Variants in PLEC observed in about 807,000 individuals in gnomAD.
PLEC encodes the protein hemidesmosomal protein 1.
PLEC carries 216 observed loss-of-function variants against 392.8 expected under a neutral mutation model. That is an observed-to-expected ratio of 0.55 (90% CI 0.49 to 0.62). The LOEUF is 0.62. Ranked by LOEUF, PLEC falls within the 20% of genes least tolerant of loss-of-function variation. The probability of loss-of-function intolerance (pLI) is 0.00; values close to 1 mark genes in which losing one functional copy is unlikely to be tolerated. For synonymous variants in PLEC, 3,621 were observed against 2,980.6 expected (o/e 1.21, Z -7.00); for missense variants, 6,863 against 6,563.4 (o/e 1.05, Z -1.58).
intron 1 of PLEC, among the ~76,000 whole-genome samples, chr8:143,948,558 G>A (rs900464838): frequency 2.0e-5 from 3 of 152,194 alleles, no homozygotes; most frequent in African/African-American, 7.2e-5. Flanking sequence ...GTTTGAGCCT[G>A]CTGGCCCTGA....
At position 143,926,836 on chromosome 8, in the gene PLEC, C is replaced by T. The variant is rs1554705998; in HGVS notation, c.3992G>A (p.Ser1331Asn). 1.2e-6 allele frequency: 2 copies of T among 1,613,766 alleles called. No homozygotes were observed. Among genetic ancestry groups the T allele is most frequent in the Non-Finnish European group, 1.7e-6 (2 of 1,180,004 alleles). Residue 1331 changes from serine (S) to asparagine (N), a missense_variant, in exon 30 of 32, where the codon AGC (serine) becomes AAC (asparagine). Coordinates refer to ENST00000345136, the MANE Select transcript of PLEC (RefSeq NM_201384.3). ...CTCGCTGATGAACTTGATGTACTGG[C>T]TCGTCAGTGTGGTCAGCTCGCTGTA... ...THYSELTTLTSQYIKFISETL... is the reference protein window; with the variant it reads ...THYSELTTLTNQYIKFISETL...
In PLEC at chr8:143,926,765, T is replaced by C. The variant is rs1554705785; in HGVS notation, c.4044+19A>G. 1.3e-6 allele frequency: 2 copies of C among 1,598,608 alleles called. No individual in the cohort carries two copies. The highest frequency in any genetic ancestry group is 3.3e-5 in the Admixed American group (2 of 59,994). On this transcript the variant is annotated intron_variant, in intron 30 of 31. Coordinates refer to ENST00000345136, the MANE Select transcript of PLEC (RefSeq NM_201384.3). ...GTGAGATGGAACCCTCTGCCCAGCC[T>C]CCGCCCAACGGGCTGTACCTCCTCC...
At position 143,919,119 on chromosome 8, in the gene PLEC, C is replaced by G. The variant is rs782045368; in HGVS notation, c.10702G>C (p.Glu3568Gln). The G allele has an allele frequency of 6.2e-7, 1 of 1,613,048 alleles. No homozygotes were observed. The highest frequency in any genetic ancestry group is 8.5e-7 in the Non-Finnish European group (1 of 1,180,034). Reference protein sequence around the residue: ...YTEEETRRAFEETQIDIPGGG... With the variant: ...YTEEETRRAFQETQIDIPGGG... ...CCGGGAATGTCGATCTGTGTCTCTT[C>G]AAATGCCCTTCTTGTCTCCTCCTCA... is the stretch of plus-strand genomic sequence containing the variant. Residue 3568 changes from glutamate (E) to glutamine (Q), a missense_variant, in exon 32 of 32, where the codon GAA becomes CAA. Coordinates refer to ENST00000345136, the MANE Select transcript of PLEC (RefSeq NM_201384.3).
Position 143,931,575 on chromosome 8 carries a change from C to T in PLEC, c.2263G>A (p.Ala755Thr), listed in dbSNP as rs200173947. Residue 755 changes from alanine (A) to threonine (T), a missense_variant, in exon 19 of 32, where the codon GCC becomes ACC. Transcript: ENST00000345136. ...AGGTCCTCCAGCCGGGTGACGGTGG[C>T]GGAGCGATCACAACTGTATTTCCTA... ...LRRKYSCDRS[A>T]TVTRLEDLLQ... 1.5e-4 allele frequency: 242 copies of T among 1,597,320 alleles called. 2 individuals are homozygous for T. In the African/African-American group the frequency reaches 2.7e-3, roughly 18 times the overall value.
At chr8:143,944,110 C>A (rs1006692519), upstream of PLEC, among the ~76,000 whole-genome samples, 9 of 152,114 alleles carry the variant, frequency 5.9e-5, no homozygotes, top group African/African-American at 2.2e-4. Flanking sequence ...CGGCGCCTCC[C>A]CACCCTCGCT....
Position 143,923,686 on chromosome 8 carries a change from G to C in PLEC, c.6243C>G (p.Gly2081=). 6.5e-7 allele frequency: 1 copy of C among 1,546,622 alleles called. No homozygotes were observed. Among genetic ancestry groups the C allele is most frequent in the Non-Finnish European group, 8.7e-7 (1 of 1,152,366 alleles). ...QEQSVLDQLR[G]EAEAARRAAE... ...CCGCCCGCCGGGCCGCCTCCGCCTCGCCGCGCAGCTGGTCCAGCACGCTCT... is the reference window on the plus strand; with the variant it reads ...CCGCCCGCCGGGCCGCCTCCGCCTCCCCGCGCAGCTGGTCCAGCACGCTCT... Residue 2081 remains glycine (G), a synonymous_variant, in exon 31 of 32, where the codon GGC becomes GGG. Transcript: ENST00000345136.
chr8:143,926,565 C>A (rs557475530), intron 30 of PLEC, among the ~76,000 whole-genome samples: 2 of 152,304 alleles, frequency 1.3e-5, no homozygotes, highest in South Asian at 2.1e-4. Context: ...GCACCAGCCA[C>A]TGTGGGGGAG....
In PLEC at chr8:143,916,555, T is replaced by C. The variant is rs782714544; in HGVS notation, c.13266A>G (p.Ala4422=). The C allele has an allele frequency of 1.2e-6, 2 of 1,611,696 alleles. No individual in the cohort carries two copies. The highest frequency in any genetic ancestry group is 2.2e-5 in the East Asian group (1 of 44,828). The change falls in exon 32 of 32, where the codon GCA becomes GCG. Residue 4422 remains alanine, a synonymous_variant. Coordinates refer to ENST00000345136, the MANE Select transcript of PLEC (RefSeq NM_201384.3). ...LQRGTVDART[A]QKLRDVGAYS... ...AGGCGCCCACGTCACGCAGCTTCTG[T>C]GCGGTGCGGGCGTCCACCGTGCCGC...
intron 1 of PLEC, chr8:143,944,823 G>A: frequency 1.5e-6 from 1 of 652,028 alleles, no homozygotes; most frequent in Non-Finnish European, 2.3e-6. Flanking sequence ...GAGGGGAGCA[G>A]TGGGCAGGGG....
At chr8:143,941,281 C>A (rs1272266714), upstream of PLEC, among the ~76,000 whole-genome samples, 4 of 152,186 alleles carry the variant, frequency 2.6e-5, no homozygotes, top group Non-Finnish European at 5.9e-5. Flanking sequence ...GAGGTGGGCA[C>A]AGGGAGTCCA....
Position 143,931,570 on chromosome 8 carries a change from G to A in PLEC, c.2268C>T (p.Thr756=), listed in dbSNP as rs371267446. 2.9e-4 allele frequency: 468 copies of A among 1,597,234 alleles called. No homozygotes were observed. The highest frequency in any genetic ancestry group is 6.7e-4 in the Admixed American group (39 of 57,836). ...GCAGCAGGTCCTCCAGCCGGGTGAC[G>A]GTGGCGGAGCGATCACAACTGTATT... is the stretch of plus-strand genomic sequence containing the variant. The part of the protein sequence containing the change: ...RRKYSCDRSA[T]VTRLEDLLQD... Residue 756 remains threonine (T), a synonymous_variant, in exon 19 of 32, where the codon ACC becomes ACT. Coordinates refer to ENST00000345136, the MANE Select transcript of PLEC (RefSeq NM_201384.3).
At chr8:143,968,545 A>AG (rs576906372) in intron 1 of PLEC, among the ~76,000 whole-genome samples, 1 of 151,720 alleles carries the variant, frequency 6.6e-6, no homozygotes, top group South Asian at 2.1e-4. Context: ...AAAAAAAAAA[A>AG]AAGACACCAG....
Position 143,924,967 on chromosome 8 carries a change from C to A in PLEC, c.4962G>T (p.Gln1654His). 1 of 1,580,134 alleles carries A rather than the reference C, an allele frequency of 6.3e-7. No individual in the cohort carries two copies. The highest frequency in any genetic ancestry group is 8.5e-7 in the Non-Finnish European group (1 of 1,171,346). The change falls in exon 31 of 32, where the codon CAG (glutamine) becomes CAT (histidine). Residue 1654 changes from glutamine (Q) to histidine (H), a missense_variant. Physicochemically the swap from Gln to His is conservative, Grantham distance 24. Transcript: ENST00000345136. ...CAGCCTCGGCCTGCGCCAGGCTCTT[C>A]TGCTGCGCCACCTCCTCCGCCTGCA... ...LRLQAEEVAQ[Q>H]KSLAQAEAEK... is the part of the protein sequence containing the mutation.
intron 25 of PLEC, among the ~76,000 whole-genome samples, chr8:143,928,457 G>C (rs1298872183): frequency 9.3e-5 from 14 of 151,212 alleles, no homozygotes; most frequent in Non-Finnish European, 1.9e-4. Context: ...CCTGTGGTTT[G>C]CAACACAGGA....
In PLEC at chr8:143,920,728, C is replaced by T. The variant is rs201335687; in HGVS notation, c.9093G>A (p.Leu3031=). Residue 3031 remains leucine, a synonymous_variant, in exon 32 of 32, where the codon CTG becomes CTA. Transcript: ENST00000345136. ...TACTCAGCTTCTGCCCCGCCTCCTC[C>T]AGCCATACACCCGCGATGACGTTGG... ...RGANVIAGVW[L]EEAGQKLSIY... 144 of 1,603,736 alleles carry T rather than the reference C, an allele frequency of 9.0e-5. No individual in the cohort carries two copies. The highest frequency in any genetic ancestry group is 1.2e-4 in the Non-Finnish European group (141 of 1,179,922).
In PLEC at chr8:143,973,420, A is replaced by T. The variant is rs1554744950; in HGVS notation, c.53T>A (p.Val18Glu). 2 of 1,550,032 alleles carry T rather than the reference A, an allele frequency of 1.3e-6. No individual in the cohort carries two copies. The highest frequency in any genetic ancestry group is 2.5e-5 in the East Asian group (1 of 40,298). ...GGCCGTACCTTTGTACTTCTCGCGCACCTCCTCGTAGGCCTGGATGAAGTC... is the reference window on the plus strand; with the variant it reads ...GGCCGTACCTTTGTACTTCTCGCGCTCCTCCTCGTAGGCCTGGATGAAGTC... The change falls in exon 1 of 32, where the codon GTG becomes GAG. Residue 18 changes from valine to glutamate, a missense_variant. Transcript: ENST00000356346. The surrounding 1 kb of genome is among the most constrained non-coding windows in gnomAD (Gnocchi z 5.6).
rs1316043817 is a variant in PLEC at position 143,928,074 on chromosome 8, C to T, written c.3261-82G>A. ...GAATGGAACCCAAGCCACAGCGACCCAGGGTGCTGCCTGCCAAGCCCAGAC... is the reference window on the plus strand; with the variant it reads ...GAATGGAACCCAAGCCACAGCGACCTAGGGTGCTGCCTGCCAAGCCCAGAC... On this transcript the variant is annotated intron_variant, in intron 25 of 31. Transcript: ENST00000345136. The T allele has an allele frequency of 8.0e-6, 12 of 1,493,546 alleles. No homozygotes were observed. In the East Asian group the frequency reaches 2.5e-4, roughly 31 times the overall value. The allele number at this position is 1,493,546 out of a possible 1,614,324, so 92.5% of individuals were successfully genotyped here.
chr8:143,960,383 A>G (rs1479867611), intron 1 of PLEC, among the ~76,000 whole-genome samples: 3 of 151,932 alleles, frequency 2.0e-5, no homozygotes, highest in Non-Finnish European at 2.9e-5. Context: ...TTGGGAGGTC[A>G]AGGCGGGCGG....
chr8:143,943,902 G>T, upstream of PLEC: 1 of 1,609,774 alleles, frequency 6.2e-7, no homozygotes. Flanking sequence ...GCCGCCACGC[G>T]GAGCCGCCAG....
Sources: allele counts gnomAD v4.1 joint callset (sites outside exome capture counted in the v4.1 genomes callset), GRCh38; gene constraint gnomAD v4.1.1; non-coding constraint Gnocchi (gnomAD v3.1); transcripts MANE v1.5; gene names NCBI Gene and HGNC (gene_info 2026-07-23, HGNC 2026-07-21).